The following FBXW4 variants were observed in gnomAD, a reference collection of about 807,000 sequenced individuals.
The protein encoded by FBXW4 is F-box/WD repeat-containing protein 4.
In FBXW4, 40 loss-of-function variants were observed where a neutral mutation model predicts 61.8. The observed-to-expected ratio is 0.65, with a 90% CI of 0.50 to 0.84. The LOEUF (loss-of-function observed/expected upper bound fraction) is 0.84. Ranked by LOEUF, FBXW4 falls within the 40% of genes least tolerant of loss-of-function variation. The probability of loss-of-function intolerance (pLI) is 0.00; values close to 1 mark genes in which losing one functional copy is unlikely to be tolerated. For synonymous variants in FBXW4, 311 were observed against 313.8 expected (o/e 0.99, Z 0.10); for missense variants, 672 against 753.8 (o/e 0.89, Z 1.27).
intron 5 of FBXW4, among the ~76,000 whole-genome samples, chr10:101,665,538 A>G (rs9651451): frequency 0.97 from 147,764 of 152,268 alleles, 71,852 homozygotes; most frequent in East Asian, 1. Flanking sequence ...ACACATCGAG[A>G]CCTTAGCAGA....
chr10:101,660,367 G>A (rs931495560), intron 5 of FBXW4: 2 of 597,774 alleles, frequency 3.3e-6, no homozygotes, highest in South Asian at 7.3e-5. Context: ...GGCCATGAAA[G>A]GTCCCTGCCT....
At chr10:101,623,968 AG>A (rs1424165766) in intron 6 of FBXW4, among the ~76,000 whole-genome samples, 1 of 152,170 alleles carries the variant, frequency 6.6e-6, no homozygotes, top group African/African-American at 2.4e-5. Flanking sequence ...GTGACTACCA[AG>A]GGGTAAATGA....
At chr10:101,693,022 T>C (rs1472372592) in intron 1 of FBXW4, among the ~76,000 whole-genome samples, 1 of 152,124 alleles carries the variant, frequency 6.6e-6, no homozygotes, top group African/African-American at 2.4e-5. Context: ...CAGTAATAAA[T>C]GGGCAAAGAG....
At chr10:101,649,754 G>A (rs767227069) in intron 5 of FBXW4, among the ~76,000 whole-genome samples, 2 of 152,186 alleles carry the variant, frequency 1.3e-5, no homozygotes, top group South Asian at 2.1e-4. Flanking sequence ...GAACCTTGGC[G>A]GGATGCCTCC....
At chr10:101,644,860 C>T (rs940799025) in intron 5 of FBXW4, among the ~76,000 whole-genome samples, 2 of 152,168 alleles carry the variant, frequency 1.3e-5, no homozygotes, top group African/African-American at 4.8e-5. Context: ...GAGATCATAC[C>T]CCCATTTGCC....
Position 101,611,564 on chromosome 10 carries a change from TCCCAAATGCAG to T in FBXW4, c.1584+53_1584+63del. ...GCACGTCCTTGGCTACCTCACCCTC[TCCCAAATGCAG>T]CCCATAATCATGAGTCCTGGCATGC... On this transcript the variant is annotated intron_variant, in intron 8 of 8. Coordinates refer to ENST00000331272, the MANE Select transcript of FBXW4 (RefSeq NM_022039.4). The surrounding 1 kb of genome is among the most constrained non-coding windows in gnomAD (Gnocchi z 4.9). 1 of 1,592,946 alleles carries T rather than the reference TCCCAAATGCAG, an allele frequency of 6.3e-7. No homozygotes were observed. The highest frequency in any genetic ancestry group is 8.6e-7 in the Non-Finnish European group (1 of 1,165,544).
chr10:101,666,057 C>T (rs776873853), intron 5 of FBXW4, among the ~76,000 whole-genome samples: 5 of 152,142 alleles, frequency 3.3e-5, no homozygotes, highest in South Asian at 2.1e-4. Context: ...ATTCAGCCCA[C>T]GGATACCCAG....
At chr10:101,693,235 C>T (rs1316352433) in intron 1 of FBXW4, among the ~76,000 whole-genome samples, 7 of 152,194 alleles carry the variant, frequency 4.6e-5, no homozygotes, top group Admixed American at 4.6e-4. Flanking sequence ...CAAACCATAA[C>T]CTTTGCTATA....
At chr10:101,656,750 C>G (rs1472463564) in intron 5 of FBXW4, among the ~76,000 whole-genome samples, 1 of 152,176 alleles carries the variant, frequency 6.6e-6, no homozygotes, top group Non-Finnish European at 1.5e-5. Flanking sequence ...AGCCTAAACA[C>G]AAGTACATGG....
At chr10:101,672,215 C>T (rs1412890125) in intron 4 of FBXW4, among the ~76,000 whole-genome samples, 1 of 152,202 alleles carries the variant, frequency 6.6e-6, no homozygotes, top group Non-Finnish European at 1.5e-5. Flanking sequence ...CCACAGCAAC[C>T]CTAAAGGACC....
At position 101,694,678 on chromosome 10, in the gene FBXW4, C is replaced by A. The variant is rs2064656982; in HGVS notation, c.428G>T (p.Gly143Val). The change falls in exon 1 of 9, where the codon GGT becomes GTT. Residue 143 changes from glycine (G) to valine (V), a missense_variant. Transcript: ENST00000331272. This position sits in a 1 kb window ranked among gnomAD's most constrained non-coding sequence, Gnocchi z 6.0. ...CCCCGCGATGTCGGCCCAAGCCTGA[C>A]CCCCTCGTCCCTGTGCTCTTCCCGG... ...ARPGRAQGRGGQAWADIAGTG... is the reference protein window; with the variant it reads ...ARPGRAQGRGVQAWADIAGTG... 1 of 1,393,322 alleles carries A rather than the reference C, an allele frequency of 7.2e-7. No homozygotes were observed. The allele number at this position is 1,393,322 out of a possible 1,614,324, so 86.3% of individuals were successfully genotyped here.
At chr10:101,695,215 C>G (rs1385020959), upstream of FBXW4, 28 of 984,546 alleles carry the variant, frequency 2.8e-5, no homozygotes, top group Non-Finnish European at 3.3e-5. The surrounding 1 kb of genome is among the most constrained non-coding windows in gnomAD (Gnocchi z 4.2). Flanking sequence ...CGGCGCGGGC[C>G]GAGCCCTGGG....
chr10:101,694,850 C>T lies in FBXW4; in HGVS notation c.256G>A (p.Glu86Lys). Residue 86 changes from glutamate (E) to lysine (K), a missense_variant, in exon 1 of 9, where the codon GAG becomes AAG. Glu to Lys is a moderately conservative substitution (Grantham distance 56). Around this residue, in one of 5 missense-constraint regions of FBXW4, gnomAD observed 311 missense variants for 301.1 expected, o/e 1.03. Coordinates refer to ENST00000331272, the MANE Select transcript of FBXW4 (RefSeq NM_022039.4). This position sits in a 1 kb window ranked among gnomAD's most constrained non-coding sequence, Gnocchi z 6.0. ...CCTTCCTCCACGCTTCTGCCTCCCTCTGCTTCCTCCCTTGGGCATGCCCTC... is the reference window on the plus strand; with the variant it reads ...CCTTCCTCCACGCTTCTGCCTCCCTTTGCTTCCTCCCTTGGGCATGCCCTC... ...GARACPREEA[E>K]GGRSVEEGAR... 7.8e-7 allele frequency: 1 copy of T among 1,280,894 alleles called. No homozygotes were observed. Among genetic ancestry groups the T allele is most frequent in the Admixed American group, 4.2e-5 (1 of 23,860 alleles). The allele number at this position is 1,280,894 out of a possible 1,614,324, so 79.3% of individuals were successfully genotyped here. A position where few individuals can be genotyped will look rare whatever the true frequency, so the allele number is the denominator to read the frequency against.
chr10:101,615,341 C>A (rs2063818328), intron 6 of FBXW4, among the ~76,000 whole-genome samples: 1 of 152,020 alleles, frequency 6.6e-6, no homozygotes, highest in Admixed American at 6.6e-5. Context: ...TGGACAAAGC[C>A]CAGGCCTCCA....
chr10:101,672,662 T>G (rs2064368492), intron 4 of FBXW4, among the ~76,000 whole-genome samples: 1 of 152,152 alleles, frequency 6.6e-6, no homozygotes. Context: ...CCTCTGTTTT[T>G]GAGTTCACGC....
intron 5 of FBXW4, among the ~76,000 whole-genome samples, chr10:101,652,342 T>C (rs962904712): frequency 3.9e-5 from 6 of 152,228 alleles, no homozygotes; most frequent in Non-Finnish European, 2.9e-5. Context: ...AGCTTTTTTC[T>C]TGATTCTAAA....
At chr10:101,661,253 C>G (rs1272238347) in intron 5 of FBXW4, among the ~76,000 whole-genome samples, 1 of 152,172 alleles carries the variant, frequency 6.6e-6, no homozygotes, top group Non-Finnish European at 1.5e-5. Context: ...CAAATGGGTT[C>G]TGGGCCAGCC....
intron 5 of FBXW4, among the ~76,000 whole-genome samples, chr10:101,636,218 G>A (rs981254953): frequency 2.0e-5 from 3 of 151,926 alleles, no homozygotes; most frequent in Non-Finnish European, 1.5e-5. Context: ...TTAGCTGGGG[G>A]TGGTGGCGTG....
chr10:101,615,376 C>T (rs1262884268), intron 6 of FBXW4, among the ~76,000 whole-genome samples: 2 of 152,062 alleles, frequency 1.3e-5, no homozygotes, highest in East Asian at 3.9e-4. Flanking sequence ...CTGGGGGCCT[C>T]CACACCCTAG....
Sources: allele counts gnomAD v4.1 joint callset (sites outside exome capture counted in the v4.1 genomes callset), GRCh38; gene constraint gnomAD v4.1.1; regional missense constraint gnomAD v4.1.1; non-coding constraint Gnocchi (gnomAD v3.1); transcripts MANE v1.5; gene names NCBI Gene and HGNC (gene_info 2026-07-23, HGNC 2026-07-21).